CNTNAP2: variants seen among roughly 807,000 people sequenced by gnomAD.
CNTNAP2 encodes contactin-associated protein-like 2.
In CNTNAP2, 98 loss-of-function variants were observed where a neutral mutation model predicts 155.2. The observed-to-expected ratio is 0.63, with a 90% CI of 0.54 to 0.75. The LOEUF is 0.75. CNTNAP2 is among the 30% of genes least tolerant of loss of function. The pLI is 0.00. For missense variants in CNTNAP2, 1,727 were observed against 1,688.1 expected, an observed-to-expected ratio of 1.02 and a Z score of -0.40; for synonymous variants, 651 against 631.2, an observed-to-expected ratio of 1.03 and a Z score of -0.47.
intron 2 of CNTNAP2, among the ~76,000 whole-genome samples, chr7:146,778,017 C>T (rs761404423): frequency 2.0e-5 from 3 of 151,880 alleles, no homozygotes; most frequent in Admixed American, 6.6e-5. Context: ...GTTGGAGATA[C>T]ATTTTCTTAA....
intron 16 of CNTNAP2, among the ~76,000 whole-genome samples, chr7:148,140,845 G>T (rs1277295959): frequency 1.3e-5 from 2 of 152,218 alleles, no homozygotes; most frequent in East Asian, 3.8e-4. Flanking sequence ...CATCCCAAGG[G>T]CTTAGATATT....
At chr7:147,981,819 T>TGTGTGTGTGTGTGGG (rs1404450002) in intron 15 of CNTNAP2, among the ~76,000 whole-genome samples, 1 of 113,678 alleles carries the variant, frequency 8.8e-6, no homozygotes, top group South Asian at 3.3e-4. Context: ...GTGTGTGTGG[T>TGTGTGTGTGTGTGGG]TTTTTTTTTC....
At chr7:148,260,407 A>C (rs1796537903) in intron 20 of CNTNAP2, among the ~76,000 whole-genome samples, 1 of 152,214 alleles carries the variant, frequency 6.6e-6, no homozygotes, top group African/African-American at 2.4e-5. Context: ...GACAATACAT[A>C]TTAAAAGATC....
intron 8 of CNTNAP2, among the ~76,000 whole-genome samples, chr7:147,183,941 A>G (rs1802515887): frequency 6.6e-6 from 1 of 152,206 alleles, no homozygotes; most frequent in African/African-American, 2.4e-5. Context: ...ATCTGGCAGT[A>G]GTGATCAGTG....
intron 8 of CNTNAP2, among the ~76,000 whole-genome samples, chr7:147,186,723 C>T (rs1802574334): frequency 6.6e-6 from 1 of 152,002 alleles, no homozygotes; most frequent in Non-Finnish European, 1.5e-5. Context: ...AAAAACTGTC[C>T]ACGTAGAGAT....
At chr7:147,072,922 G>A (rs1205472361) in intron 4 of CNTNAP2, among the ~76,000 whole-genome samples, 8 of 137,510 alleles carry the variant, frequency 5.8e-5, no homozygotes, top group Non-Finnish European at 9.2e-5. Context: ...GTGTGATCTC[G>A]GCTCACTGCA....
chr7:147,347,584 C>A (rs1407781539), intron 9 of CNTNAP2, among the ~76,000 whole-genome samples: 1 of 150,650 alleles, frequency 6.6e-6, no homozygotes, highest in African/African-American at 2.4e-5. Context: ...TACCTAAGTA[C>A]CATTAAAATA....
chr7:147,681,778 C>G (rs1381807610), intron 13 of CNTNAP2, among the ~76,000 whole-genome samples: 2 of 151,642 alleles, frequency 1.3e-5, no homozygotes, highest in Non-Finnish European at 2.9e-5. Context: ...TGGTCTGAAA[C>G]TATCACAGTA....
intron 1 of CNTNAP2, among the ~76,000 whole-genome samples, chr7:146,668,384 G>A (rs539542524): frequency 6.6e-6 from 1 of 150,916 alleles, no homozygotes; most frequent in African/African-American, 2.4e-5. Flanking sequence ...TTTTCTTGAA[G>A]ATTTTGCATC....
intron 10 of CNTNAP2, among the ~76,000 whole-genome samples, chr7:147,444,209 C>T (rs1477961347): frequency 2.6e-5 from 4 of 152,160 alleles, no homozygotes; most frequent in Admixed American, 6.5e-5. Flanking sequence ...GAAAACATAG[C>T]AGTCATTAAC....
chr7:148,387,225 T>A (rs1799231762), intron 22 of CNTNAP2, among the ~76,000 whole-genome samples: 1 of 152,204 alleles, frequency 6.6e-6, no homozygotes, highest in Admixed American at 6.5e-5. Flanking sequence ...CAACTCGGGT[T>A]CTAAGTGCAT....
At chr7:146,499,212 T>G (rs1015015567) in intron 1 of CNTNAP2, among the ~76,000 whole-genome samples, 1 of 152,188 alleles carries the variant, frequency 6.6e-6, no homozygotes, top group African/African-American at 2.4e-5. Context: ...AGACAGAGTT[T>G]TGCTCTCTTG....
intron 9 of CNTNAP2, among the ~76,000 whole-genome samples, chr7:147,395,304 C>T (rs1378712851): frequency 6.6e-6 from 1 of 151,938 alleles, no homozygotes; most frequent in Admixed American, 6.6e-5. Context: ...GAGTCTTTGA[C>T]AGCAGAGGGA....
At chr7:147,862,999 T>A (rs1055159663) in intron 13 of CNTNAP2, among the ~76,000 whole-genome samples, 2 of 152,106 alleles carry the variant, frequency 1.3e-5, no homozygotes, top group African/African-American at 4.8e-5. Flanking sequence ...GATACAGAGG[T>A]ATACATATGC....
intron 6 of CNTNAP2, chr7:147,122,200 G>A (rs1471813884): frequency 3.3e-5 from 5 of 151,966 alleles, no homozygotes; most frequent in Non-Finnish European, 7.3e-5. Flanking sequence ...AAAAAAAGAT[G>A]TTTGTCACAG....
chr7:146,187,716 G>A (rs1446763455), intron 1 of CNTNAP2, among the ~76,000 whole-genome samples: 2 of 151,506 alleles, frequency 1.3e-5, no homozygotes, highest in Admixed American at 6.6e-5. Flanking sequence ...CTTACTAAGG[G>A]CCATCTTTGT....
At chr7:147,632,059 A>G (rs73164391) in intron 12 of CNTNAP2, among the ~76,000 whole-genome samples, 3,969 of 152,308 alleles carry the variant, frequency 0.026, 62 homozygotes, top group Non-Finnish European at 0.039. Flanking sequence ...ACAGTGGGAG[A>G]AAATCTTTGC....
intron 1 of CNTNAP2, among the ~76,000 whole-genome samples, chr7:146,690,711 G>A (rs910316927): frequency 6.6e-6 from 1 of 151,980 alleles, no homozygotes; most frequent in Admixed American, 6.6e-5. Flanking sequence ...ATGTTTTTAT[G>A]TATAAATTAT....
At chr7:146,764,564 T>G (rs1802163154) in intron 1 of CNTNAP2, among the ~76,000 whole-genome samples, 1 of 152,010 alleles carries the variant, frequency 6.6e-6, no homozygotes, top group South Asian at 2.1e-4. Context: ...ATTTCATTTC[T>G]AGTACATTAC....
Sources: allele counts gnomAD v4.1 joint callset (sites outside exome capture counted in the v4.1 genomes callset), GRCh38; gene constraint gnomAD v4.1.1; transcripts MANE v1.5; gene names NCBI Gene and HGNC (gene_info 2026-07-23, HGNC 2026-07-21).